ARB2A: variants seen among roughly 807,000 people sequenced by gnomAD.
ARB2A encodes the protein cotranscriptional regulator ARB2A.
the ARB2A span, among the ~76,000 whole-genome samples, chr5:93,977,811 T>C: frequency 1.1e-4 from 17 of 152,114 alleles, no homozygotes; most frequent in Non-Finnish European, 2.2e-4. Context: ...AAGGAAACTG[T>C]CAAACGAGTT....
the ARB2A span, among the ~76,000 whole-genome samples, chr5:93,622,083 A>G: frequency 2.0e-5 from 3 of 152,360 alleles, no homozygotes; most frequent in Admixed American, 2.0e-4. Context: ...GGATGCAAGC[A>G]TAAGAACAGA....
chr5:93,696,683 A>T, the ARB2A span, among the ~76,000 whole-genome samples: 1 of 152,150 alleles, frequency 6.6e-6, no homozygotes, highest in South Asian at 2.1e-4. Flanking sequence ...TAAGAGATAG[A>T]AGTGTTTTTT....
At chr5:93,683,730 C>G in the ARB2A span, 2 of 1,608,620 alleles carry the variant, frequency 1.2e-6, no homozygotes, top group Non-Finnish European at 1.7e-6. Context: ...GGTGGCGGCA[C>G]GCACTTAGGT....
chr5:93,943,720 C>G, the ARB2A span, among the ~76,000 whole-genome samples: 4 of 152,124 alleles, frequency 2.6e-5, no homozygotes, highest in South Asian at 8.3e-4. Context: ...TAGTTAAGAA[C>G]GTGTTAACTA....
the ARB2A span, chr5:93,805,553 A>G: frequency 1.0e-6 from 1 of 985,180 alleles, no homozygotes. Context: ...AGCAGGCATC[A>G]TACAGCATCC....
chr5:93,736,156 T>C, the ARB2A span: 41,629 of 151,980 alleles, frequency 0.27, 7,219 homozygotes, highest in African/African-American at 0.48. Context: ...TCATTTACAC[T>C]TGCTTTGTGG....
the ARB2A span, among the ~76,000 whole-genome samples, chr5:94,031,828 T>G: frequency 1.2e-4 from 18 of 152,204 alleles, no homozygotes; most frequent in Admixed American, 1.2e-3. Flanking sequence ...TCAGCCCATG[T>G]GTGGCTTGAC....
the ARB2A span, among the ~76,000 whole-genome samples, chr5:93,795,716 G>A: frequency 6.6e-6 from 1 of 152,026 alleles, no homozygotes. Flanking sequence ...GATCAAGTAG[G>A]TTTTTCTTAG....
chr5:93,910,262 A>T, the ARB2A span, among the ~76,000 whole-genome samples: 9 of 147,690 alleles, frequency 6.1e-5, no homozygotes, highest in Non-Finnish European at 1.4e-4. Context: ...GTATATTTCC[A>T]TGGGGGGGCA....
At chr5:93,913,723 C>T in the ARB2A span, among the ~76,000 whole-genome samples, 3 of 151,896 alleles carry the variant, frequency 2.0e-5, no homozygotes, top group African/African-American at 7.3e-5. Context: ...TAGTTTATAT[C>T]AGTTTTTTAA....
chr5:94,060,763 C>G, the ARB2A span, among the ~76,000 whole-genome samples: 1 of 152,132 alleles, frequency 6.6e-6, no homozygotes, highest in Non-Finnish European at 1.5e-5. Context: ...AAATCTTCAA[C>G]AAAATATTAA....
chr5:93,772,610 C>G, the ARB2A span, among the ~76,000 whole-genome samples: 1 of 152,154 alleles, frequency 6.6e-6, no homozygotes, highest in Non-Finnish European at 1.5e-5. Context: ...CTGAACACAG[C>G]TGAGTGATAT....
the ARB2A span, among the ~76,000 whole-genome samples, chr5:94,029,334 C>G: frequency 6.6e-6 from 1 of 152,162 alleles, no homozygotes; most frequent in East Asian, 1.9e-4. Flanking sequence ...TCATGTGTAA[C>G]AGTCTCCCTG....
chr5:93,813,685 C>T, the ARB2A span, among the ~76,000 whole-genome samples: 1 of 152,164 alleles, frequency 6.6e-6, no homozygotes, highest in Non-Finnish European at 1.5e-5. Flanking sequence ...GAAGTATGCC[C>T]TCACTAGAGC....
chr5:93,776,315 T>A, the ARB2A span: 2 of 1,233,424 alleles, frequency 1.6e-6, no homozygotes, highest in Admixed American at 4.2e-5. Flanking sequence ...GAGAGTTTAA[T>A]TTATCCTATA....
the ARB2A span, among the ~76,000 whole-genome samples, chr5:93,770,153 G>C: frequency 5.3e-5 from 8 of 152,054 alleles, no homozygotes; most frequent in African/African-American, 1.9e-4. Context: ...GCCTTACAAG[G>C]CTTTAGTCTC....
the ARB2A span, among the ~76,000 whole-genome samples, chr5:93,742,654 C>G: frequency 6.6e-6 from 1 of 152,172 alleles, no homozygotes; most frequent in Non-Finnish European, 1.5e-5. Context: ...CTGTCCCCAC[C>G]CACATCTATT....
the ARB2A span, among the ~76,000 whole-genome samples, chr5:93,872,866 G>A: frequency 1.3e-5 from 2 of 151,730 alleles, no homozygotes; most frequent in Non-Finnish European, 2.9e-5. Flanking sequence ...GCAGTGAGCC[G>A]AGATCGCGCC....
chr5:93,964,971 A>C, the ARB2A span, among the ~76,000 whole-genome samples: 2 of 151,966 alleles, frequency 1.3e-5, no homozygotes, highest in African/African-American at 4.8e-5. Flanking sequence ...GAAAAGGAAA[A>C]CTCATCCAGA....
Sources: gnomAD v4.1 joint callset for allele counts (sites outside exome capture counted in the v4.1 genomes callset) on GRCh38, gnomAD v4.1.1 for gene constraint, MANE v1.5 for transcripts, NCBI Gene and HGNC (gene_info 2026-07-23, HGNC 2026-07-21) for gene names.